GNA14: variants seen among roughly 807,000 people sequenced by gnomAD.
GNA14 encodes the protein guanine nucleotide-binding protein subunit alpha-14.
In GNA14, 50 loss-of-function variants were observed where a neutral mutation model predicts 42.0. That is an observed-to-expected ratio of 1.19 (90% CI 0.95 to 1.51). The LOEUF (loss-of-function observed/expected upper bound fraction) is 1.51, where lower values mean the gene tolerates loss of function less well. GNA14 is among the 40% of genes most tolerant of loss of function. GNA14 has a pLI of 0.00. For synonymous variants in GNA14, 173 were observed against 163.1 expected, an observed-to-expected ratio of 1.06 and a Z score of -0.46; for missense variants, 473 against 446.2, an observed-to-expected ratio of 1.06 and a Z score of -0.54.
rs568272284 is a variant in GNA14, at chr9:77,522,337, G to C, written c.309+6732C>G. 2.1e-3 allele frequency among the ~76,000 whole-genome samples: 320 copies of C among 152,264 alleles called. 6 individuals carry two copies. The highest frequency in any genetic ancestry group is 2.6e-4 in the Non-Finnish European group (18 of 68,022). On this transcript the variant is annotated intron_variant, in intron 2 of 6. Coordinates refer to ENST00000341700, the MANE Select transcript of GNA14 (RefSeq NM_004297.4). The stretch of plus-strand genomic sequence containing the variant: ...ATCCGCATCTCAGAGCTGGAACTCT[G>C]GGCATGAGGCTGTGCTCTGTTCCTG...
chr9:77,522,518 C>T (rs3780296), intron 2 of GNA14, among the ~76,000 whole-genome samples: 80,848 of 152,092 alleles, frequency 0.53, 22,515 homozygotes, highest in Admixed American at 0.64. Flanking sequence ...AATTAGGTCA[C>T]TCCATGGAAA....
At chr9:77,639,023 C>A (rs866644750) in intron 1 of GNA14, among the ~76,000 whole-genome samples, 1 of 152,182 alleles carries the variant, frequency 6.6e-6, no homozygotes, top group African/African-American at 2.4e-5. Context: ...GCCTCCTTTT[C>A]TTTTCATGAT....
In GNA14 at chr9:77,423,822, T is replaced by G; in HGVS notation, c.*157A>C. 2 of 415,870 alleles carry G rather than the reference T, an allele frequency of 4.8e-6. No homozygotes were observed. The highest frequency in any genetic ancestry group is 8.7e-6 in the Non-Finnish European group (2 of 230,992). The allele number at this position is 415,870 out of a possible 1,614,324, so 25.8% of individuals were successfully genotyped here. ...AAGTATGTTGGTAAACTCAAATATC[T>G]TCCAAGTTCCATCACCCATCTCTGT... On this transcript the variant is annotated 3_prime_UTR_variant, in exon 7 of 7. Transcript: ENST00000341700.
chr9:77,437,582 A>G (rs866777763), intron 2 of GNA14, among the ~76,000 whole-genome samples: 2 of 150,754 alleles, frequency 1.3e-5, no homozygotes, highest in Non-Finnish European at 3.0e-5. Context: ...GAGAGAGAGG[A>G]AGGGAAGGGA....
intron 1 of GNA14, among the ~76,000 whole-genome samples, chr9:77,617,696 A>G (rs1326468973): frequency 6.6e-6 from 1 of 151,966 alleles, no homozygotes; most frequent in Non-Finnish European, 1.5e-5. Flanking sequence ...CTTCCCAGCC[A>G]TGCTGCCTAT....
At chr9:77,634,155 A>C (rs549981316) in intron 1 of GNA14, among the ~76,000 whole-genome samples, 4 of 152,236 alleles carry the variant, frequency 2.6e-5, no homozygotes, top group African/African-American at 9.6e-5. Flanking sequence ...GGGCTGGTTC[A>C]TGCCTATAAT....
At chr9:77,597,475 A>G (rs1206562325) in intron 1 of GNA14, among the ~76,000 whole-genome samples, 3 of 152,078 alleles carry the variant, frequency 2.0e-5, no homozygotes, top group Non-Finnish European at 4.4e-5. Context: ...ATGCTCAATC[A>G]TGTTGAGGAA....
chr9:77,450,314 C>T (rs1440198603), intron 2 of GNA14, among the ~76,000 whole-genome samples: 1 of 152,136 alleles, frequency 6.6e-6, no homozygotes, highest in Non-Finnish European at 1.5e-5. Flanking sequence ...ACATCAAGTG[C>T]TCAGCCTTAC....
At chr9:77,644,334 G>A (rs1824317184) in intron 1 of GNA14, among the ~76,000 whole-genome samples, 1 of 148,466 alleles carries the variant, frequency 6.7e-6, no homozygotes, top group African/African-American at 2.5e-5. Context: ...CACGCCTATA[G>A]TCCCAACTAC....
At chr9:77,429,230 A>G (rs1835506100) in intron 4 of GNA14, among the ~76,000 whole-genome samples, 194 bp from the exon 5 acceptor site, 2 of 152,228 alleles carry the variant, frequency 1.3e-5, no homozygotes, top group Admixed American at 1.3e-4. Flanking sequence ...GTTTCCTAGC[A>G]AAGAAGGGAG....
At position 77,423,951 on chromosome 9, in the gene GNA14, G is replaced by A. The variant is rs1835412753; in HGVS notation, c.*28C>T. ...AAGGAGTTTGCAAATCACATCTTCT[G>A]TTATAGGGGAGGAGTGGGCAGCAGC... On this transcript the variant is annotated 3_prime_UTR_variant, in exon 7 of 7. Transcript: ENST00000341700. 3 of 1,513,602 alleles carry A rather than the reference G, an allele frequency of 2.0e-6. No individual in the cohort carries two copies. Among genetic ancestry groups the A allele is most frequent in the Non-Finnish European group, 2.7e-6 (3 of 1,114,408 alleles). 93.8% of individuals were successfully genotyped at this position (1,513,602 alleles called of 1,614,324 possible). A position where few individuals can be genotyped will look rare whatever the true frequency, so the allele number is the denominator to read the frequency against.
chr9:77,525,039 T>C (rs1037804851), intron 2 of GNA14, among the ~76,000 whole-genome samples: 5 of 152,326 alleles, frequency 3.3e-5, no homozygotes, highest in Admixed American at 6.5e-5. Context: ...ATTTTTTACA[T>C]GGCCCATGAG....
chr9:77,513,546 G>A (rs1187616543), intron 2 of GNA14, among the ~76,000 whole-genome samples: 5 of 152,198 alleles, frequency 3.3e-5, no homozygotes, highest in African/African-American at 4.8e-5. Flanking sequence ...GGGAGCTCAC[G>A]AAGTACTGGA....
chr9:77,521,602 G>A (rs1232378771), intron 2 of GNA14, among the ~76,000 whole-genome samples: 1 of 152,094 alleles, frequency 6.6e-6, no homozygotes, highest in Non-Finnish European at 1.5e-5. Flanking sequence ...AGTTATTTAT[G>A]CATAAATGTG....
intron 1 of GNA14, among the ~76,000 whole-genome samples, chr9:77,629,535 G>T (rs1417681882): frequency 6.6e-6 from 1 of 152,178 alleles, no homozygotes; most frequent in Non-Finnish European, 1.5e-5. Context: ...ATACACCATG[G>T]AATACTATGT....
At chr9:77,634,149 T>TGG (rs1824140900) in intron 1 of GNA14, among the ~76,000 whole-genome samples, 1 of 152,066 alleles carries the variant, frequency 6.6e-6, no homozygotes, top group African/African-American at 2.4e-5. Context: ...GAAAATGGGC[T>TGG]GGTTCATGCC....
chr9:77,606,988 C>T (rs1317119872), intron 1 of GNA14, among the ~76,000 whole-genome samples: 1 of 152,120 alleles, frequency 6.6e-6, no homozygotes, highest in Non-Finnish European at 1.5e-5. Flanking sequence ...AGGGAGAGGG[C>T]CCTCACCAGA....
chr9:77,544,558 C>A (rs981163205), intron 1 of GNA14, among the ~76,000 whole-genome samples: 2 of 151,516 alleles, frequency 1.3e-5, no homozygotes. Flanking sequence ...CAAAAATTAG[C>A]CAGGCATGGT....
intron 1 of GNA14, among the ~76,000 whole-genome samples, chr9:77,611,937 C>T (rs1313123239): frequency 6.6e-6 from 1 of 151,924 alleles, no homozygotes; most frequent in Non-Finnish European, 1.5e-5. Context: ...CAGTTGCCCC[C>T]AAAATGTAAA....
Sources: allele counts gnomAD v4.1 joint callset (sites outside exome capture counted in the v4.1 genomes callset), GRCh38; gene constraint gnomAD v4.1.1; transcripts MANE v1.5; gene names NCBI Gene and HGNC (gene_info 2026-07-23, HGNC 2026-07-21).